Variants in MAMLD1 observed in about 807,000 individuals in gnomAD.
MAMLD1 encodes mastermind-like domain-containing protein 1.
MAMLD1 carries 14 observed loss-of-function variants against 45.0 expected under a neutral mutation model. That is an observed-to-expected ratio of 0.31 (90% CI 0.21 to 0.49). The LOEUF (loss-of-function observed/expected upper bound fraction) is 0.49. MAMLD1 is among the 20% of genes least tolerant of loss of function. The probability of loss-of-function intolerance (pLI) is 0.99; values close to 1 mark genes in which losing one functional copy is unlikely to be tolerated. For missense variants in MAMLD1, 543 were observed against 603.6 expected (o/e 0.90, Z 1.05); for synonymous variants, 254 against 247.8 (o/e 1.02, Z -0.24).
At chrX:150,432,228 T>A in intron 1 of MAMLD1, among the ~76,000 whole-genome samples, 1 of 112,050 alleles carries the variant, frequency 8.9e-6, no homozygotes, top group South Asian at 3.7e-4. Context: ...TGACTTCTTT[T>A]AAAAAGTATC....
At position 150,458,763 on chromosome X, in the gene MAMLD1, A is replaced by G. The variant is rs781866552; in HGVS notation, c.97-4009A>G. 3.6e-5 allele frequency among the ~76,000 whole-genome samples: 4 copies of G among 112,373 alleles called. No individual in the cohort carries two copies. In the East Asian group the frequency reaches 1.1e-3, roughly 31 times the overall value. ...ATCAAGTTAGTCAATGCATCCATCCATAACTTCATCTAGTTATATTTGTTT... is the reference window on the plus strand; with the variant it reads ...ATCAAGTTAGTCAATGCATCCATCCGTAACTTCATCTAGTTATATTTGTTT... On this transcript the variant is annotated intron_variant, in intron 2 of 7. Coordinates refer to ENST00000370401, the MANE Select transcript of MAMLD1 (RefSeq NM_005491.5).
chrX:150,374,359 T>C (rs781848555), intron 1 of MAMLD1, among the ~76,000 whole-genome samples: 7 of 112,139 alleles, frequency 6.2e-5, no homozygotes, highest in Non-Finnish European at 1.3e-4. Context: ...AGTTGTCAGA[T>C]GGAAATATCA....
intron 1 of MAMLD1, among the ~76,000 whole-genome samples, chrX:150,434,389 C>G (rs782656955): frequency 9.0e-6 from 1 of 110,978 alleles, no homozygotes; most frequent in East Asian, 2.8e-4. Context: ...ATGTTTTTCA[C>G]ATCTTTTCCC....
intron 5 of MAMLD1, among the ~76,000 whole-genome samples, chrX:150,494,957 G>A (rs2037325943): frequency 1.8e-5 from 2 of 111,353 alleles, no homozygotes; most frequent in African/African-American, 6.5e-5. Context: ...TGTAATCCCA[G>A]CACTTTGGGA....
intron 1 of MAMLD1, among the ~76,000 whole-genome samples, chrX:150,398,314 G>GAAGAAGAAA (rs2033563303): frequency 1.0e-5 from 1 of 99,094 alleles, no homozygotes; most frequent in East Asian, 3.0e-4. Context: ...AGAAGAAGAA[G>GAAGAAGAAA]AAGAAGAAGA....
At chrX:150,391,497 C>A (rs1157837345) in intron 1 of MAMLD1, among the ~76,000 whole-genome samples, 1 of 111,588 alleles carries the variant, frequency 9.0e-6, no homozygotes, top group African/African-American at 3.3e-5. Context: ...ATTAACCCAT[C>A]CAGTGAGTTA....
In MAMLD1 at chrX:150,471,148, G is replaced by A; in HGVS notation, c.1575G>A (p.Gly525=). 8.3e-7 allele frequency: 1 copy of A among 1,211,555 alleles called. No homozygotes were observed. The highest frequency in any genetic ancestry group is 1.1e-6 in the Non-Finnish European group (1 of 895,475). ...CCCTGAGCATGATCATGCAGCAGGG[G>A]ATGGCAAGCTCCAGCCCAGGAGCCA... is the stretch of plus-strand genomic sequence containing the variant. ...SKTLSMIMQQ[G]MASSSPGATE... Residue 525 remains glycine (G), a synonymous_variant, in exon 4 of 8, where the codon GGG becomes GGA. Coordinates refer to ENST00000370401, the MANE Select transcript of MAMLD1 (RefSeq NM_005491.5).
intron 5 of MAMLD1, among the ~76,000 whole-genome samples, chrX:150,486,193 C>A (rs782148690): frequency 3.6e-5 from 4 of 112,025 alleles, no homozygotes; most frequent in South Asian, 3.7e-4. Context: ...GTGGCATGAG[C>A]CTCATCCTAA....
chrX:150,376,597 CAGCAG>C (rs2032327824), intron 1 of MAMLD1, among the ~76,000 whole-genome samples: 1 of 110,898 alleles, frequency 9.0e-6, no homozygotes, highest in Non-Finnish European at 1.9e-5. Context: ...GACCTGCAGT[CAGCAG>C]AATATAGGGC....
rs2037966370 is a variant in MAMLD1 at position 150,513,772 on chromosome X, G to A, written c.*1813G>A. ...CGAGCCCTGTCTCAGCAATCCACCT[G>A]GAGGAGCTAGAGTATCCTCCTCCCT... On this transcript the variant is annotated 3_prime_UTR_variant, in exon 8 of 8. Coordinates refer to ENST00000370401, the MANE Select transcript of MAMLD1 (RefSeq NM_005491.5). 4 of 295,656 alleles carry A rather than the reference G, an allele frequency of 1.4e-5. No homozygotes were observed. The highest frequency in any genetic ancestry group is 6.2e-5 in the Admixed American group (1 of 16,161). 24.4% of individuals were successfully genotyped at this position (295,656 alleles called of 1,213,427 possible).
intron 1 of MAMLD1, among the ~76,000 whole-genome samples, chrX:150,365,296 G>C (rs1298187221): frequency 9.0e-6 from 1 of 111,628 alleles, no homozygotes; most frequent in African/African-American, 3.3e-5. Context: ...GCTGTGTTTC[G>C]AGGACCCTCT....
At chrX:150,482,290 T>C (rs1389453435) in intron 5 of MAMLD1, among the ~76,000 whole-genome samples, 3 of 112,401 alleles carry the variant, frequency 2.7e-5, no homozygotes, top group Non-Finnish European at 3.8e-5. Context: ...ATTCCACTCA[T>C]GTGAGGTCCC....
At chrX:150,398,224 A>G (rs1557402310) in intron 1 of MAMLD1, among the ~76,000 whole-genome samples, 1 of 96,637 alleles carries the variant, frequency 1.0e-5, no homozygotes, top group South Asian at 5.8e-4. Flanking sequence ...TACCACAGAG[A>G]GAGGAGAAGA....
At chrX:150,391,099 C>T (rs1279403990) in intron 1 of MAMLD1, among the ~76,000 whole-genome samples, 1 of 111,701 alleles carries the variant, frequency 9.0e-6, no homozygotes, top group African/African-American at 3.2e-5. Flanking sequence ...TTTTTTTCTG[C>T]TTCTTTTAGT....
chrX:150,398,804 T>A (rs183741901), intron 1 of MAMLD1, among the ~76,000 whole-genome samples: 3 of 111,730 alleles, frequency 2.7e-5, no homozygotes, highest in Non-Finnish European at 5.7e-5. Context: ...AGAAGGTTAG[T>A]TCCTGTAGGG....
intron 2 of MAMLD1, among the ~76,000 whole-genome samples, chrX:150,450,619 G>A (rs1376289301): frequency 9.0e-6 from 1 of 111,570 alleles, no homozygotes; most frequent in Non-Finnish European, 1.9e-5. Context: ...AACAAGGTGT[G>A]GTTGTGCACG....
intron 1 of MAMLD1, among the ~76,000 whole-genome samples, chrX:150,398,337 A>AAGAG (rs2033587509): frequency 1.7e-4 from 9 of 52,241 alleles, no homozygotes; most frequent in Non-Finnish European, 2.3e-4. Context: ...AAGAAGAAGA[A>AAGAG]GAAGAGGAAG....
chrX:150,505,067 T>A (rs1234095516), intron 6 of MAMLD1: 1 of 752,555 alleles, frequency 1.3e-6, no homozygotes, highest in African/African-American at 2.3e-5. Flanking sequence ...GCAGCAGTCA[T>A]AGATCATGTG....
At chrX:150,403,940 A>AAAAGAAAGAAAAAGAAAG (rs2033898942) in intron 1 of MAMLD1, among the ~76,000 whole-genome samples, 1 of 58,882 alleles carries the variant, frequency 1.7e-5, no homozygotes, top group South Asian at 9.9e-4. Context: ...AGAAAGAAAG[A>AAAAGAAAGAAAAAGAAAG]AAAGAAAGAA....
Sources: allele counts gnomAD v4.1 joint callset (sites outside exome capture counted in the v4.1 genomes callset), GRCh38; gene constraint gnomAD v4.1.1; transcripts MANE v1.5; gene names NCBI Gene and HGNC (gene_info 2026-07-23, HGNC 2026-07-21).